CHLSN: variants seen among roughly 807,000 people sequenced by gnomAD.
The protein encoded by CHLSN is protein cholesin.
chr7:1,103,422 G>C, the CHLSN span, among the ~76,000 whole-genome samples: 6 of 152,180 alleles, frequency 3.9e-5, no homozygotes, highest in African/African-American at 1.4e-4. Context: ...TCGTTAGAAT[G>C]ACCTTACACC....
chr7:1,013,484 C>T, the CHLSN span, among the ~76,000 whole-genome samples: 3 of 152,214 alleles, frequency 2.0e-5, no homozygotes, highest in Non-Finnish European at 4.4e-5. Flanking sequence ...CTCCAGGCTC[C>T]TGCCGGCTCC....
At chr7:1,126,990 C>T in the CHLSN span, among the ~76,000 whole-genome samples, 86 of 152,268 alleles carry the variant, frequency 5.6e-4, no homozygotes, top group Middle Eastern at 3.4e-3. Context: ...CTGCATGCCG[C>T]CACCAAGTCC....
chr7:1,122,975 A>G, the CHLSN span, among the ~76,000 whole-genome samples: 1 of 152,124 alleles, frequency 6.6e-6, no homozygotes, highest in African/African-American at 2.4e-5. Context: ...CATGGGAGCA[A>G]CTGTTCCTCC....
chr7:1,127,106 C>T, the CHLSN span: 2 of 790,584 alleles, frequency 2.5e-6, no homozygotes, highest in African/African-American at 3.6e-5. Context: ...CCTACAATCG[C>T]TTCTGGAAGG....
At chr7:1,041,801 G>GC in the CHLSN span, among the ~76,000 whole-genome samples, 268 of 151,152 alleles carry the variant, frequency 1.8e-3, no homozygotes, top group Non-Finnish European at 3.2e-3. Flanking sequence ...ACCACTCCCC[G>GC]CCCCCCCGAG....
At chr7:1,127,673 CGTCACCCGGG>C in the CHLSN span, among the ~76,000 whole-genome samples, 1 of 68,196 alleles carries the variant, frequency 1.5e-5, no homozygotes, top group Non-Finnish European at 4.0e-5. Context: ...CTCATCCCAC[CGTCACCCGGG>C]CTGGAGTGCA....
chr7:1,132,056 C>G, the CHLSN span, among the ~76,000 whole-genome samples: 1 of 152,098 alleles, frequency 6.6e-6, no homozygotes, highest in African/African-American at 2.4e-5. Flanking sequence ...AAAACTAACT[C>G]AAAATAGATC....
chr7:1,020,085 G>A, the CHLSN span, among the ~76,000 whole-genome samples: 2 of 152,172 alleles, frequency 1.3e-5, no homozygotes, highest in Non-Finnish European at 2.9e-5. Flanking sequence ...CCAAGGGCCG[G>A]CGGAGTGGTG....
the CHLSN span, among the ~76,000 whole-genome samples, chr7:1,023,677 A>ACACC: frequency 3.9e-5 from 4 of 101,414 alleles, no homozygotes; most frequent in Non-Finnish European, 7.0e-5. The surrounding 1 kb of genome is among the most constrained non-coding windows in gnomAD (Gnocchi z 5.0). Context: ...ACACACACAC[A>ACACC]CCAGCAACGC....
chr7:1,013,410 GC>G, the CHLSN span, among the ~76,000 whole-genome samples: 1 of 152,200 alleles, frequency 6.6e-6, no homozygotes, highest in Non-Finnish European at 1.5e-5. Flanking sequence ...GCCTGTGAGG[GC>G]CCCTTCTAGG....
At chr7:985,105 CA>C in the CHLSN span, 1 of 1,611,170 alleles carries the variant, frequency 6.2e-7, no homozygotes, top group Non-Finnish European at 8.5e-7. Flanking sequence ...CAGAGGTGAG[CA>C]GGGGGCCGGG....
chr7:1,062,701 A>C, the CHLSN span, among the ~76,000 whole-genome samples: 5 of 152,196 alleles, frequency 3.3e-5, no homozygotes, highest in East Asian at 9.6e-4. Context: ...AGCCCTCCCA[A>C]GGATTCCGGC....
At chr7:1,009,998 G>T in the CHLSN span, 1 of 1,595,656 alleles carries the variant, frequency 6.3e-7, no homozygotes. Flanking sequence ...CCTGGCAGGC[G>T]GGTGCTGGGC....
the CHLSN span, among the ~76,000 whole-genome samples, chr7:1,015,680 G>C: frequency 1.3e-5 from 2 of 152,190 alleles, no homozygotes; most frequent in Non-Finnish European, 2.9e-5. Flanking sequence ...TGGTGGGCGG[G>C]GCCAGGACTA....
At chr7:1,029,253 G>A in the CHLSN span, among the ~76,000 whole-genome samples, 8 of 152,202 alleles carry the variant, frequency 5.3e-5, no homozygotes, top group South Asian at 1.0e-3. Context: ...TTGGCCTTCC[G>A]AGTAGCTGGG....
At chr7:1,107,827 C>T in the CHLSN span, among the ~76,000 whole-genome samples, 1 of 149,976 alleles carries the variant, frequency 6.7e-6, no homozygotes. Context: ...GGCTGTGTCC[C>T]ACACTGGAGA....
chr7:986,550 G>A, the CHLSN span: 5 of 1,556,288 alleles, frequency 3.2e-6, no homozygotes, highest in Admixed American at 1.7e-5. Context: ...CAGCCGCTGG[G>A]GACGATCACC....
At chr7:997,599 AGCGGCCCC>A in the CHLSN span, 2 of 1,506,654 alleles carry the variant, frequency 1.3e-6, no homozygotes. Context: ...TGCACTGGGC[AGCGGCCCC>A]GCCCCGCGCT....
At chr7:1,004,515 G>A in the CHLSN span, among the ~76,000 whole-genome samples, 363 of 152,202 alleles carry the variant, frequency 2.4e-3, 4 homozygotes, top group African/African-American at 8.2e-3. Flanking sequence ...AACCAAGGGC[G>A]CCTCTCTCTC....
Sources: gnomAD v4.1 joint callset for allele counts (sites outside exome capture counted in the v4.1 genomes callset) on GRCh38, gnomAD v4.1.1 for gene constraint, Gnocchi (gnomAD v3.1) non-coding constraint, MANE v1.5 for transcripts, NCBI Gene and HGNC (gene_info 2026-07-23, HGNC 2026-07-21) for gene names.